MRPL1: variants seen among roughly 807,000 people sequenced by gnomAD.
The protein encoded by MRPL1 is large ribosomal subunit protein uL1m.
MRPL1 carries 28 observed loss-of-function variants against 38.0 expected under a neutral mutation model. The observed-to-expected ratio is 0.74, with a 90% CI of 0.55 to 1.01. The LOEUF (loss-of-function observed/expected upper bound fraction) is 1.01, where lower values mean the gene tolerates loss of function less well. Among genes scored for constraint, MRPL1 ranks in the 50% least tolerant of loss-of-function variants. The probability of loss-of-function intolerance (pLI) is 0.00; values close to 1 mark genes in which losing one functional copy is unlikely to be tolerated. For missense variants in MRPL1, 358 were observed against 389.8 expected, an observed-to-expected ratio of 0.92 and a Z score of 0.69; for synonymous variants, 123 against 126.7, an observed-to-expected ratio of 0.97 and a Z score of 0.20.
chr4:77,925,171 C>T (rs550090151), intron 7 of MRPL1, among the ~76,000 whole-genome samples: 1 of 152,012 alleles, frequency 6.6e-6, no homozygotes, highest in East Asian at 1.9e-4. Flanking sequence ...AGTACTTCAC[C>T]CGTAAACATT....
intron 7 of MRPL1, among the ~76,000 whole-genome samples, chr4:77,936,542 T>C (rs1164634503): frequency 6.6e-6 from 1 of 152,232 alleles, no homozygotes; most frequent in Non-Finnish European, 1.5e-5. Context: ...AATCCAGCTC[T>C]CCACCTGTTT....
chr4:77,941,671 G>A, intron 7 of MRPL1, among the ~76,000 whole-genome samples: 1 of 152,096 alleles, frequency 6.6e-6, no homozygotes, highest in Admixed American at 6.5e-5. Context: ...AAGTATCAGA[G>A]TAGCCTTTAA....
Position 77,862,848 on chromosome 4 carries a change from C to T in MRPL1, c.-1C>T, listed in dbSNP as rs373512295. The T allele has an allele frequency of 5.3e-5, 85 of 1,614,160 alleles. No homozygotes were observed. The African/African-American group carries it at 9.1e-4, about 17-fold the overall frequency. On this transcript the variant is annotated 5_prime_UTR_variant, in exon 1 of 9. Transcript: ENST00000315567. ...CGTGAACGCAATCCGGAGTGCCCAA[C>T]ATGGCGGCGGCCGTAAGGTGCATGG...
chr4:77,921,114 A>G (rs1169789513), intron 7 of MRPL1, among the ~76,000 whole-genome samples: 1 of 152,194 alleles, frequency 6.6e-6, no homozygotes, highest in African/African-American at 2.4e-5. Flanking sequence ...AGTAAAAGTT[A>G]AAAAACTTTT....
chr4:77,952,116 CACTT>C (rs986316297), intron 8 of MRPL1, among the ~76,000 whole-genome samples: 40 of 152,328 alleles, frequency 2.6e-4, no homozygotes, highest in Admixed American at 2.2e-3. Flanking sequence ...ACTTTGCAAA[CACTT>C]AGTCTTTGAT....
At position 77,883,347 on chromosome 4, in the gene MRPL1, G is replaced by A; in HGVS notation, c.249G>A (p.Glu83=). 1 of 1,613,782 alleles carries A rather than the reference G, an allele frequency of 6.2e-7. No homozygotes were observed. Among genetic ancestry groups the A allele is most frequent in the Non-Finnish European group, 8.5e-7 (1 of 1,179,894 alleles). Residue 83 remains glutamate, a synonymous_variant, in exon 3 of 9, where the codon GAG becomes GAA. Coordinates refer to ENST00000315567, the MANE Select transcript of MRPL1 (RefSeq NM_020236.4). ...ATCCCTATATGGAAGGCGAACCTGA[G>A]GATGATGTCTATTTAAAACGCTTAT... ...KAYPYMEGEP[E]DDVYLKRLYP...
chr4:77,949,005 AGGT>A (rs1227369779), intron 7 of MRPL1, among the ~76,000 whole-genome samples: 3 of 152,186 alleles, frequency 2.0e-5, no homozygotes, highest in Non-Finnish European at 4.4e-5. Flanking sequence ...TCCTGACCTC[AGGT>A]GATTCGCCTG....
chr4:77,898,146 A>G (rs1230963353), intron 6 of MRPL1, among the ~76,000 whole-genome samples: 3 of 152,206 alleles, frequency 2.0e-5, no homozygotes, highest in African/African-American at 7.2e-5. Context: ...TCATCTAAAC[A>G]GAGAGACCTT....
chr4:77,930,363 G>A (rs970844471), intron 7 of MRPL1, among the ~76,000 whole-genome samples: 1 of 152,152 alleles, frequency 6.6e-6, no homozygotes, highest in Admixed American at 6.5e-5. Flanking sequence ...ATTTACAGCC[G>A]CTCCCCATGG....
At chr4:77,873,556 A>G (rs935366342) in intron 2 of MRPL1, among the ~76,000 whole-genome samples, 1 of 152,232 alleles carries the variant, frequency 6.6e-6, no homozygotes, top group Non-Finnish European at 1.5e-5. Context: ...GTAAATTTTC[A>G]CTTAATATAT....
intron 5 of MRPL1, among the ~76,000 whole-genome samples, chr4:77,893,284 T>C (rs977751076): frequency 2.0e-5 from 3 of 152,056 alleles, no homozygotes; most frequent in African/African-American, 7.2e-5. Flanking sequence ...GCCCGGCTAG[T>C]TTTTATATTT....
chr4:77,927,454 A>C (rs1363943583), intron 7 of MRPL1, among the ~76,000 whole-genome samples: 1 of 152,064 alleles, frequency 6.6e-6, no homozygotes, highest in African/African-American at 2.4e-5. Context: ...GTAGAGCCCT[A>C]CTCTGTTTTT....
chr4:77,937,555 A>G (rs1460415300), intron 7 of MRPL1, among the ~76,000 whole-genome samples: 1 of 152,168 alleles, frequency 6.6e-6, no homozygotes. Context: ...TTTCCTTCAT[A>G]TAGCACATGT....
chr4:77,904,556 A>T (rs1736112318), intron 6 of MRPL1, among the ~76,000 whole-genome samples: 1 of 152,056 alleles, frequency 6.6e-6, no homozygotes, highest in Non-Finnish European at 1.5e-5. Flanking sequence ...TGTGTCTCAA[A>T]AAAAAGAAAA....
At chr4:77,881,605 C>G (rs1735544006) in intron 2 of MRPL1, among the ~76,000 whole-genome samples, 1 of 152,000 alleles carries the variant, frequency 6.6e-6, no homozygotes, top group African/African-American at 2.4e-5. Flanking sequence ...CTATGCCCAG[C>G]TAATTTTTTT....
intron 1 of MRPL1, chr4:77,863,110 G>C: frequency 1.7e-6 from 1 of 574,186 alleles, no homozygotes; most frequent in East Asian, 3.0e-5. Flanking sequence ...GACGTACATC[G>C]AGCGCCCTCC....
chr4:77,945,433 A>G (rs538554770), intron 7 of MRPL1, among the ~76,000 whole-genome samples: 1 of 152,032 alleles, frequency 6.6e-6, no homozygotes, highest in Admixed American at 6.6e-5. Context: ...CTATCAGAAC[A>G]GTTATAGTTA....
chr4:77,862,979 C>T (rs886675769), intron 1 of MRPL1, 100 bp downstream of exon 1: 6 of 1,453,736 alleles, frequency 4.1e-6, no homozygotes, highest in African/African-American at 2.8e-5. Context: ...CTGAAAATGC[C>T]TCGTGCTGTT....
At chr4:77,932,237 G>A (rs1736862153) in intron 7 of MRPL1, among the ~76,000 whole-genome samples, 1 of 152,120 alleles carries the variant, frequency 6.6e-6, no homozygotes, top group Non-Finnish European at 1.5e-5. Context: ...AGTGAACATT[G>A]GGATTTCTAA....
Sources: gnomAD v4.1 joint callset for allele counts (sites outside exome capture counted in the v4.1 genomes callset) on GRCh38, gnomAD v4.1.1 for gene constraint, MANE v1.5 for transcripts, NCBI Gene and HGNC (gene_info 2026-07-23, HGNC 2026-07-21) for gene names.